Variants in CELF2 observed in about 807,000 individuals in gnomAD.
CELF2 encodes CUGBP Elav-like family member 2.
In CELF2, 8 loss-of-function variants were observed where a neutral mutation model predicts 62.6. The ratio of observed to expected loss-of-function variants is 0.13; its 90% confidence interval spans 0.07 to 0.23. CELF2 has a LOEUF of 0.23. Among genes scored for constraint, CELF2 ranks in the 10% least tolerant of loss-of-function variants. CELF2 has a pLI of 1.00. For synonymous variants in CELF2, 258 were observed against 250.0 expected, an observed-to-expected ratio of 1.03 and a Z score of -0.30; for missense variants, 333 against 671.0, an observed-to-expected ratio of 0.50 and a Z score of 5.56.
the CELF2 span, among the ~76,000 whole-genome samples, chr10:10,567,578 G>A: frequency 9.1e-4 from 138 of 152,218 alleles, no homozygotes; most frequent in African/African-American, 3.2e-3. Flanking sequence ...GTGACCCTTC[G>A]GAGTCAACCT....
chr10:10,944,422 C>G (rs1029877208), intron 2 of CELF2: 1 of 152,570 alleles, frequency 6.6e-6, no homozygotes, highest in East Asian at 1.9e-4. Flanking sequence ...CACACAGAAG[C>G]AGCCTTGGCC....
chr10:10,668,858 T>C, the CELF2 span, among the ~76,000 whole-genome samples: 2 of 152,066 alleles, frequency 1.3e-5, no homozygotes, highest in South Asian at 4.1e-4. Context: ...CTCAGGAGGC[T>C]GAGGCAGGAA....
At chr10:10,824,894 G>A (rs547241019) in intron 1 of CELF2, among the ~76,000 whole-genome samples, 4 of 152,302 alleles carry the variant, frequency 2.6e-5, no homozygotes, top group African/African-American at 9.6e-5. Context: ...AGGAAAATCA[G>A]GAAAAGAACA....
intron 8 of CELF2, 143 bp from the exon 9 acceptor site, chr10:11,288,275 C>T (rs1354586002): frequency 4.2e-6 from 4 of 951,822 alleles, no homozygotes; most frequent in African/African-American, 1.6e-5. Flanking sequence ...GCTGGAGAGC[C>T]CAGCTCCCAC....
chr10:10,774,548 C>A, the CELF2 span, among the ~76,000 whole-genome samples: 1 of 152,154 alleles, frequency 6.6e-6, no homozygotes, highest in Non-Finnish European at 1.5e-5. Flanking sequence ...TCCCTGCCCC[C>A]GCTCTCGCTC....
the CELF2 span, among the ~76,000 whole-genome samples, chr10:10,651,578 G>T: frequency 7.2e-6 from 1 of 139,514 alleles, no homozygotes; most frequent in Admixed American, 7.1e-5. Flanking sequence ...CCCCCGAGCA[G>T]CCTAACTGGG....
At chr10:11,085,874 A>G (rs2046568156) in intron 1 of CELF2, among the ~76,000 whole-genome samples, 1 of 151,998 alleles carries the variant, frequency 6.6e-6, no homozygotes, top group Non-Finnish European at 1.5e-5. Flanking sequence ...ACTGCCCTGG[A>G]TGAATCCAGA....
chr10:11,073,214 C>T (rs903463576), intron 1 of CELF2, among the ~76,000 whole-genome samples: 2 of 152,178 alleles, frequency 1.3e-5, no homozygotes, highest in African/African-American at 2.4e-5. Context: ...GTACTGCCCT[C>T]ACTGTAGAAG....
intron 4 of CELF2, among the ~76,000 whole-genome samples, chr10:11,249,986 C>A (rs2076666702): frequency 6.6e-6 from 1 of 152,240 alleles, no homozygotes; most frequent in African/African-American, 2.4e-5. Flanking sequence ...TTCCTTCCAG[C>A]AGGCAGTTTT....
intron 2 of CELF2, among the ~76,000 whole-genome samples, chr10:11,174,537 A>C (rs2070283503): frequency 6.6e-6 from 1 of 152,264 alleles, no homozygotes; most frequent in Admixed American, 6.5e-5. Context: ...TTGAAGAATA[A>C]AGGAATATAA....
At chr10:10,970,951 A>G (rs1424647726) in intron 2 of CELF2, 1 of 152,200 alleles carries the variant, frequency 6.6e-6, no homozygotes, top group Non-Finnish European at 1.5e-5. Context: ...CCCATAGTCA[A>G]TTAGACATCC....
upstream of CELF2, among the ~76,000 whole-genome samples, chr10:11,002,474 G>A (rs577218437): frequency 1.3e-4 from 20 of 152,296 alleles, no homozygotes; most frequent in Admixed American, 5.2e-4. This position sits in a 1 kb window ranked among gnomAD's most constrained non-coding sequence, Gnocchi z 4.4. Context: ...TTGCTGGGGC[G>A]AGTATGCGGA....
chr10:10,539,416 G>C, the CELF2 span, among the ~76,000 whole-genome samples: 1 of 152,104 alleles, frequency 6.6e-6, no homozygotes, highest in Non-Finnish European at 1.5e-5. Flanking sequence ...GAATCTCAAA[G>C]GCTTGCAAAG....
At chr10:11,113,001 G>A (rs186041948) in intron 1 of CELF2, among the ~76,000 whole-genome samples, 24 of 151,156 alleles carry the variant, frequency 1.6e-4, no homozygotes, top group African/African-American at 4.4e-4. Flanking sequence ...TGACTGAGTC[G>A]TGAGTAAACG....
intron 9 of CELF2, among the ~76,000 whole-genome samples, chr10:11,299,809 A>G (rs545164051): frequency 0.011 from 469 of 42,450 alleles, 1 homozygote; most frequent in African/African-American, 0.036. Flanking sequence ...TAAGGAGATC[A>G]TCAACATTTT....
At chr10:11,262,323 G>GAGCCTGGGAGTTCAAGACC (rs1178416206) in intron 5 of CELF2, among the ~76,000 whole-genome samples, 1 of 152,144 alleles carries the variant, frequency 6.6e-6, no homozygotes, top group Non-Finnish European at 1.5e-5. Context: ...AGGACCACTT[G>GAGCCTGGGAGTTCAAGACC]AGCCTGGGAG....
chr10:11,285,828 T>G lies in CELF2; in HGVS notation c.842-2590T>G, dbSNP rs1391545217. On this transcript the variant is annotated intron_variant, in intron 8 of 12. Transcript: ENST00000633077. The surrounding 1 kb of genome is among the most constrained non-coding windows in gnomAD (Gnocchi z 4.3). ...GCTCATCACCTACTATATATATTGG[T>G]GTGTGTGTGTGTGTGTGTGTGTGTG... is the stretch of plus-strand genomic sequence containing the variant. Among the ~76,000 whole-genome samples the G allele has an allele frequency of 3.5e-3, 44 of 12,672 alleles. No homozygotes were observed. The highest frequency in any genetic ancestry group is 0.011 in the East Asian group (17 of 1,588). 8.3% of individuals were successfully genotyped at this position (12,672 alleles called of 152,430 possible).
the CELF2 span, among the ~76,000 whole-genome samples, chr10:10,657,224 A>T: frequency 2.0e-5 from 3 of 152,202 alleles, no homozygotes; most frequent in African/African-American, 4.8e-5. Flanking sequence ...CAGAAAAAAA[A>T]GTAGATGAGT....
intron 1 of CELF2, among the ~76,000 whole-genome samples, chr10:11,120,145 C>T (rs1192733342): frequency 6.6e-6 from 1 of 152,068 alleles, no homozygotes; most frequent in Non-Finnish European, 1.5e-5. Flanking sequence ...CAAGCACCTT[C>T]GCCAGGTGTC....
Sources: gnomAD v4.1 joint callset for allele counts (sites outside exome capture counted in the v4.1 genomes callset) on GRCh38, gnomAD v4.1.1 for gene constraint, Gnocchi (gnomAD v3.1) non-coding constraint, MANE v1.5 for transcripts, NCBI Gene and HGNC (gene_info 2026-07-23, HGNC 2026-07-21) for gene names.